Variants in MTUS2 observed in about 807,000 individuals in gnomAD.
MTUS2 encodes the protein microtubule associated scaffold protein 2.
A neutral mutation model predicts 114.1 loss-of-function variants in MTUS2; 40 were observed. The observed-to-expected ratio is 0.35, with a 90% CI of 0.27 to 0.46. MTUS2 has a LOEUF of 0.46. Among genes scored for constraint, MTUS2 ranks in the 20% least tolerant of loss-of-function variants. MTUS2 has a pLI of 1.00. For missense variants in MTUS2, 1,679 were observed against 1,705.4 expected (o/e 0.98, Z 0.27); for synonymous variants, 688 against 672.0 (o/e 1.02, Z -0.37).
At position 29,357,143 on chromosome 13, in the gene MTUS2, C is replaced by A. The variant is rs576162327; in HGVS notation, c.2906-2119C>A. Among the ~76,000 whole-genome samples, 4 of 151,946 alleles carry A rather than the reference C, an allele frequency of 2.6e-5. No homozygotes were observed. The South Asian group carries it at 6.3e-4, about 24-fold the overall frequency. ...GAATTTCACTGAATCCTTTTATATT[C>A]TCCATTTACCATTGAGTATAATTTC... On this transcript the variant is annotated intron_variant, in intron 7 of 15. Transcript: ENST00000612955.
intron 11 of MTUS2, 83 bp from the exon 12 acceptor site, chr13:29,492,563 C>G: frequency 9.4e-7 from 1 of 1,069,354 alleles, no homozygotes; most frequent in Non-Finnish European, 1.4e-6. Context: ...CCTGAAGTCA[C>G]AGGTCTTAAG....
At chr13:28,914,083 G>GT (rs915261331) in intron 2 of MTUS2, among the ~76,000 whole-genome samples, 19 of 151,718 alleles carry the variant, frequency 1.3e-4, no homozygotes, top group Non-Finnish European at 2.5e-4. Flanking sequence ...TTTTTGAAGG[G>GT]TTTTTTGTGT....
intron 2 of MTUS2, among the ~76,000 whole-genome samples, chr13:28,945,877 C>A (rs1020188293): frequency 6.6e-6 from 1 of 152,074 alleles, no homozygotes; most frequent in Non-Finnish European, 1.5e-5. Flanking sequence ...AGGTTTTAAT[C>A]GTGATTTCTT....
intron 9 of MTUS2, among the ~76,000 whole-genome samples, chr13:29,453,137 T>A (rs9551684): frequency 0.36 from 54,193 of 152,086 alleles, 10,934 homozygotes; most frequent in East Asian, 0.85. Context: ...CTTTGCTTTG[T>A]AAGATCTAAA....
intron 7 of MTUS2, among the ~76,000 whole-genome samples, chr13:29,358,253 G>T (rs1187490060): frequency 2.0e-5 from 3 of 152,194 alleles, no homozygotes; most frequent in African/African-American, 7.2e-5. Flanking sequence ...AGAGGAAGAC[G>T]CCTGCCCATG....
intron 2 of MTUS2, among the ~76,000 whole-genome samples, chr13:28,949,132 G>T (rs1391091101): frequency 6.6e-6 from 1 of 152,140 alleles, no homozygotes; most frequent in African/African-American, 2.4e-5. Context: ...CACAGAAAGG[G>T]ATTCTTTTGC....
intron 5 of MTUS2, among the ~76,000 whole-genome samples, chr13:29,221,476 T>G (rs941706482): frequency 6.6e-5 from 10 of 152,186 alleles, no homozygotes; most frequent in Admixed American, 4.6e-4. Context: ...TTAGCCTGAG[T>G]ACATTTTTTA....
intron 8 of MTUS2, among the ~76,000 whole-genome samples, chr13:29,392,371 C>G (rs1873570136): frequency 6.6e-6 from 1 of 152,052 alleles, no homozygotes; most frequent in South Asian, 2.1e-4. Flanking sequence ...ATAATGCCTT[C>G]AAGGTTTGTT....
rs540129461 is a variant in MTUS2 at position 29,491,906 on chromosome 13, AGTGT to A, written c.3506-735_3506-732del. 3.0e-3 allele frequency among the ~76,000 whole-genome samples: 297 copies of A among 99,154 alleles called. 2 individuals carry two copies. The highest frequency in any genetic ancestry group is 0.011 in the African/African-American group (278 of 24,896). The allele number at this position is 99,154 out of a possible 152,430, so 65.0% of individuals were successfully genotyped here. A position where few individuals can be genotyped will look rare whatever the true frequency, so the allele number is the denominator to read the frequency against. ...GGGTGTGTATGTGTGCGTGGCGTGTAGTGTGTGTATGTGATGTGTGTGTGGTAGG... is the reference window on the plus strand; with the variant it reads ...GGGTGTGTATGTGTGCGTGGCGTGTAGTGTATGTGATGTGTGTGTGGTAGG... On this transcript the variant is annotated intron_variant, in intron 11 of 15. Coordinates refer to ENST00000612955, the MANE Select transcript of MTUS2 (RefSeq NM_001033602.4).
chr13:29,195,541 A>G (rs1045687660), intron 5 of MTUS2, among the ~76,000 whole-genome samples: 72 of 6,338 alleles, frequency 0.011, no homozygotes, highest in Middle Eastern at 0.083. Flanking sequence ...TTAATTCTGA[A>G]AAAAAAAAAA....
At chr13:29,466,273 T>G in intron 9 of MTUS2, among the ~76,000 whole-genome samples, 1 of 152,218 alleles carries the variant, frequency 6.6e-6, no homozygotes, top group East Asian at 1.9e-4. Flanking sequence ...CCAGCTGAGG[T>G]CTAGCCAGGG....
In MTUS2 at chr13:29,289,998, C is replaced by T. The variant is rs187286270; in HGVS notation, c.2806+8133C>T. ...AATTTCTTTTTCCCCTGAATTTCCC[C>T]CTCAGAAACCTGCATTCACTAGTGC... On this transcript the variant is annotated intron_variant, in intron 6 of 15. Transcript: ENST00000612955. Among the ~76,000 whole-genome samples, 563 of 152,248 alleles carry T rather than the reference C, an allele frequency of 3.7e-3. 2 individuals are homozygous for T. Among genetic ancestry groups the T allele is most frequent in the Admixed American group, 7.5e-3 (114 of 15,272 alleles).
chr13:29,449,423 G>C (rs1221628976), intron 9 of MTUS2, among the ~76,000 whole-genome samples: 1 of 152,150 alleles, frequency 6.6e-6, no homozygotes, highest in Admixed American at 6.5e-5. Flanking sequence ...TGGTCGTAAT[G>C]ATTATAATCT....
intron 7 of MTUS2, among the ~76,000 whole-genome samples, chr13:29,329,665 G>A (rs1387461028): frequency 6.9e-6 from 1 of 145,924 alleles, no homozygotes; most frequent in Non-Finnish European, 1.5e-5. Context: ...CCAGGCTGGA[G>A]TGCAGTGGTG....
At chr13:29,015,146 T>C (rs149324257) in intron 2 of MTUS2, among the ~76,000 whole-genome samples, 3 of 152,316 alleles carry the variant, frequency 2.0e-5, no homozygotes, top group East Asian at 1.9e-4. Context: ...TTGGAGATGA[T>C]AGAACTATAA....
intron 5 of MTUS2, among the ~76,000 whole-genome samples, chr13:29,218,193 A>C (rs1895760509): frequency 6.6e-6 from 1 of 152,118 alleles, no homozygotes; most frequent in African/African-American, 2.4e-5. Flanking sequence ...CAGTGTCTTC[A>C]TGGGGAGTAG....
At chr13:28,932,950 A>C (rs1881692868) in intron 2 of MTUS2, among the ~76,000 whole-genome samples, 1 of 152,216 alleles carries the variant, frequency 6.6e-6, no homozygotes, top group Non-Finnish European at 1.5e-5. Flanking sequence ...ATATACATCC[A>C]AAATAAAGGG....
intron 2 of MTUS2, among the ~76,000 whole-genome samples, chr13:29,019,035 A>G (rs1358063049): frequency 1.3e-5 from 2 of 151,838 alleles, no homozygotes; most frequent in African/African-American, 4.8e-5. Flanking sequence ...CCCTTACACA[A>G]CTGTAGGTTA....
chr13:29,167,622 A>T (rs1893371613), intron 5 of MTUS2, among the ~76,000 whole-genome samples: 1 of 152,110 alleles, frequency 6.6e-6, no homozygotes, highest in Non-Finnish European at 1.5e-5. Flanking sequence ...ATATTTTATG[A>T]AAAAGGTCAC....
Sources: allele counts gnomAD v4.1 joint callset (sites outside exome capture counted in the v4.1 genomes callset), GRCh38; gene constraint gnomAD v4.1.1; transcripts MANE v1.5; gene names NCBI Gene and HGNC (gene_info 2026-07-23, HGNC 2026-07-21).